Variants in SERPINB7 observed in about 807,000 individuals in gnomAD.
The protein encoded by SERPINB7 is serpin family B member 7.
Under a neutral mutation model 37.4 loss-of-function variants are expected in SERPINB7, and 31 were observed. The ratio of observed to expected loss-of-function variants is 0.83; its 90% CI spans 0.62 to 1.12. The LOEUF is 1.12. SERPINB7 is among the 50% of genes most tolerant of loss of function. SERPINB7 has a pLI of 0.00. For synonymous variants in SERPINB7, 163 were observed against 166.1 expected, an observed-to-expected ratio of 0.98 and a Z score of 0.14; for missense variants, 521 against 455.3, an observed-to-expected ratio of 1.14 and a Z score of -1.31.
intron 1 of SERPINB7, among the ~76,000 whole-genome samples, chr18:63,759,781 T>C (rs1008267848): frequency 1.3e-5 from 2 of 152,236 alleles, no homozygotes; most frequent in Admixed American, 1.3e-4. Context: ...CGTATGAGTT[T>C]ATCAGGGGTT....
intron 3 of SERPINB7, among the ~76,000 whole-genome samples, 156 bp from the exon 4 acceptor site, chr18:63,793,005 G>A (rs2049444831): frequency 2.0e-5 from 3 of 152,256 alleles, no homozygotes; most frequent in African/African-American, 4.8e-5. Context: ...TTGAGAAAGG[G>A]TAAGACATAG....
intron 1 of SERPINB7, among the ~76,000 whole-genome samples, chr18:63,781,000 G>GTT (rs200725791): frequency 6.6e-6 from 1 of 151,502 alleles, no homozygotes; most frequent in Non-Finnish European, 1.5e-5. Context: ...TACTAGAAAA[G>GTT]TTTTTTTTTA....
At chr18:63,790,044 C>T (rs1041467947) in intron 2 of SERPINB7, among the ~76,000 whole-genome samples, 1 of 152,122 alleles carries the variant, frequency 6.6e-6, no homozygotes. Flanking sequence ...CATGCATAGT[C>T]ACTATTGAAA....
At chr18:63,795,721 T>C (rs1402857203) in intron 4 of SERPINB7, among the ~76,000 whole-genome samples, 1 of 152,106 alleles carries the variant, frequency 6.6e-6, no homozygotes, top group African/African-American at 2.4e-5. Flanking sequence ...AGAAGGAATG[T>C]TGTTCAAACA....
intron 7 of SERPINB7, 145 bp downstream of exon 7, chr18:63,801,157 A>C: frequency 2.6e-6 from 2 of 770,972 alleles, no homozygotes; most frequent in Admixed American, 2.7e-5. Flanking sequence ...CAAATATTTA[A>C]GGGGTACCTA....
At chr18:63,772,070 G>T (rs926228465), upstream of SERPINB7, among the ~76,000 whole-genome samples, 1 of 151,800 alleles carries the variant, frequency 6.6e-6, no homozygotes, top group Admixed American at 6.6e-5. Context: ...CCTCTCTTAG[G>T]TAATAAGCGT....
Position 63,788,039 on chromosome 18 carries a change from C to T in SERPINB7, c.169-4354C>T, listed in dbSNP as rs146636846. ...CCAACACATACAATGATGTACAGTACGTAATGCTTGATAATGGTGACTATT... is the reference window on the plus strand; with the variant it reads ...CCAACACATACAATGATGTACAGTATGTAATGCTTGATAATGGTGACTATT... On this transcript the variant is annotated intron_variant, in intron 2 of 7. Transcript: ENST00000398019. Among the ~76,000 whole-genome samples, 280 of 152,306 alleles carry T rather than the reference C, an allele frequency of 1.8e-3. 1 individual carries two copies. Among genetic ancestry groups the T allele is most frequent in the Non-Finnish European group, 3.4e-3 (230 of 68,020 alleles).
intron 1 of SERPINB7, among the ~76,000 whole-genome samples, 190 bp from the exon 2 acceptor site, chr18:63,782,165 A>G (rs2049306848): frequency 6.6e-6 from 1 of 152,194 alleles, no homozygotes; most frequent in African/African-American, 2.4e-5. Flanking sequence ...GAGAAGAGAT[A>G]GTTTTAGGGT....
At chr18:63,761,593 C>T (rs548181931) in intron 1 of SERPINB7, among the ~76,000 whole-genome samples, 2 of 152,236 alleles carry the variant, frequency 1.3e-5, no homozygotes, top group Non-Finnish European at 1.5e-5. Context: ...ATTTTATCTC[C>T]CAGAATTCCC....
At chr18:63,798,988 T>G (rs746679776) in intron 6 of SERPINB7, among the ~76,000 whole-genome samples, 4 of 152,196 alleles carry the variant, frequency 2.6e-5, no homozygotes, top group African/African-American at 4.8e-5. Flanking sequence ...ACATTCAAAA[T>G]TGAAAGAAGT....
At chr18:63,799,992 T>G (rs1384110751) in intron 6 of SERPINB7, among the ~76,000 whole-genome samples, 1 of 152,222 alleles carries the variant, frequency 6.6e-6, no homozygotes. Flanking sequence ...CCTAGTGAAT[T>G]TGAGGGACAT....
rs1241116684 is a variant in SERPINB7, at chr18:63,778,599, TTA to T, written c.-19+2885_-19+2886del. ...AGGTCCATAAAATAGTATCATAACT[TTA>T]TGTTTTATTGAATGTGTTTTGTGCC... On this transcript the variant is annotated intron_variant, in intron 1 of 7. Transcript: ENST00000398019. 1.6e-4 allele frequency among the ~76,000 whole-genome samples: 25 copies of T among 152,234 alleles called. No individual in the cohort carries two copies. The South Asian group carries it at 5.2e-3, about 32-fold the overall frequency.
chr18:63,760,559 T>C (rs2049147732), intron 1 of SERPINB7, among the ~76,000 whole-genome samples: 1 of 152,184 alleles, frequency 6.6e-6, no homozygotes, highest in Non-Finnish European at 1.5e-5. Flanking sequence ...CTCCAGACCA[T>C]GTCAGAGACC....
upstream of SERPINB7, among the ~76,000 whole-genome samples, chr18:63,771,110 A>G (rs1189339184): frequency 1.3e-5 from 2 of 152,056 alleles, no homozygotes; most frequent in Non-Finnish European, 1.5e-5. Flanking sequence ...AACATGTACA[A>G]GAAAGTAAGA....
intron 2 of SERPINB7, among the ~76,000 whole-genome samples, chr18:63,783,236 A>AAGAG: frequency 1.6e-5 from 1 of 61,852 alleles, no homozygotes; most frequent in South Asian, 6.8e-4. Context: ...GAGAGAGAGA[A>AAGAG]AGAAAGAAAG....
chr18:63,801,854 G>A lies in SERPINB7; in HGVS notation c.744+842G>A, dbSNP rs1378808143. Among the ~76,000 whole-genome samples, 4 of 152,040 alleles carry A rather than the reference G, an allele frequency of 2.6e-5. 1 individual carries two copies. Among genetic ancestry groups the A allele is most frequent in the Non-Finnish European group, 5.9e-5 (4 of 67,978 alleles). ...TAGTATCTACAAGAGTCATTGAGGG[G>A]GTTACAAATTTTATGGCCTCCATAA... On this transcript the variant is annotated intron_variant, in intron 7 of 7. Coordinates refer to ENST00000398019, the MANE Select transcript of SERPINB7 (RefSeq NM_003784.4).
chr18:63,765,502 A>G (rs1472459277), intron 1 of SERPINB7, among the ~76,000 whole-genome samples: 1 of 152,170 alleles, frequency 6.6e-6, no homozygotes, highest in Non-Finnish European at 1.5e-5. Context: ...TAAGATAAGA[A>G]TAAGCCATCT....
At chr18:63,769,797 T>G (rs1354590071) in intron 1 of SERPINB7, among the ~76,000 whole-genome samples, 1 of 152,068 alleles carries the variant, frequency 6.6e-6, no homozygotes, top group Non-Finnish European at 1.5e-5. Flanking sequence ...GGAACAGTGG[T>G]GAACTCAGGA....
At position 63,800,917 on chromosome 18, in the gene SERPINB7, T is replaced by G. The variant is rs138863862; in HGVS notation, c.649T>G (p.Ser217Ala). ...GCATCAGGAACGGAAGTTCAATTTG[T>G]CTGTTATTGAGGACCCATCAATGAA... ...MMHQERKFNL[S>A]VIEDPSMKIL... The change falls in exon 7 of 8, where the codon TCT becomes GCT. Residue 217 changes from serine to alanine, a missense_variant. By Grantham distance (99) the Ser-to-Ala change is moderately conservative. Coordinates refer to ENST00000398019, the MANE Select transcript of SERPINB7 (RefSeq NM_003784.4). 23 of 1,613,854 alleles carry G rather than the reference T, an allele frequency of 1.4e-5. No homozygotes were observed. The African/African-American group carries it at 3.1e-4, about 22-fold the overall frequency.
Sources: allele counts gnomAD v4.1 joint callset (sites outside exome capture counted in the v4.1 genomes callset), GRCh38; gene constraint gnomAD v4.1.1; transcripts MANE v1.5; gene names NCBI Gene and HGNC (gene_info 2026-07-23, HGNC 2026-07-21).